ULK4: variants seen among roughly 807,000 people sequenced by gnomAD.
ULK4 encodes the protein inactive serine/threonine-protein kinase ULK4.
ULK4 carries 133 observed loss-of-function variants against 160.6 expected under a neutral mutation model. That is an observed-to-expected ratio of 0.83 (90% CI 0.72 to 0.96). The LOEUF (loss-of-function observed/expected upper bound fraction) is 0.96, where lower values mean the gene tolerates loss of function less well. ULK4 is among the 40% of genes least tolerant of loss of function. ULK4 has a pLI of 0.00. For synonymous variants in ULK4, 534 were observed against 539.8 expected, an observed-to-expected ratio of 0.99 and a Z score of 0.15; for missense variants, 1,580 against 1,499.5, an observed-to-expected ratio of 1.05 and a Z score of -0.89.
At chr3:41,336,664 G>T (rs2080563649) in intron 35 of ULK4, among the ~76,000 whole-genome samples, 1 of 152,178 alleles carries the variant, frequency 6.6e-6, no homozygotes, top group Admixed American at 6.5e-5. Context: ...TGCCCGTGGT[G>T]TGTGTCTTTG....
At chr3:41,316,237 T>C (rs769593509) in intron 35 of ULK4, among the ~76,000 whole-genome samples, 36 of 152,156 alleles carry the variant, frequency 2.4e-4, no homozygotes, top group Non-Finnish European at 3.7e-4. Flanking sequence ...TGCTACAAAA[T>C]AGATAAAATC....
At chr3:41,884,827 T>A (rs1303876621) in intron 16 of ULK4, among the ~76,000 whole-genome samples, 1 of 152,188 alleles carries the variant, frequency 6.6e-6, no homozygotes, top group African/African-American at 2.4e-5. Context: ...AAATTTCCCA[T>A]TAAAATCTCT....
intron 23 of ULK4, among the ~76,000 whole-genome samples, chr3:41,716,040 C>T (rs1368913034): frequency 6.6e-6 from 1 of 151,230 alleles, no homozygotes; most frequent in African/African-American, 2.4e-5. Context: ...AGTGAAACCC[C>T]ATCTCTAATA....
At chr3:41,479,519 G>C (rs955049518) in intron 32 of ULK4, among the ~76,000 whole-genome samples, 1 of 152,182 alleles carries the variant, frequency 6.6e-6, no homozygotes, top group Admixed American at 6.5e-5. Context: ...ACTTGAAGTG[G>C]ACTTTGCAGA....
chr3:41,527,382 G>A (rs753148029), intron 32 of ULK4, among the ~76,000 whole-genome samples: 5 of 152,178 alleles, frequency 3.3e-5, no homozygotes, highest in Admixed American at 6.5e-5. Flanking sequence ...ACTATGTGTG[G>A]GACACTGGTC....
At chr3:41,595,660 CAGA>C (rs2031643799) in intron 31 of ULK4, among the ~76,000 whole-genome samples, 1 of 152,090 alleles carries the variant, frequency 6.6e-6, no homozygotes. Flanking sequence ...GAAGCCAACA[CAGA>C]AGAATGTCTC....
intron 19 of ULK4, among the ~76,000 whole-genome samples, chr3:41,809,665 C>G (rs2040759760): frequency 6.6e-6 from 1 of 152,168 alleles, no homozygotes; most frequent in Non-Finnish European, 1.5e-5. Context: ...TTTGTAGGTT[C>G]TATTTGTTTC....
intron 31 of ULK4, among the ~76,000 whole-genome samples, chr3:41,584,203 T>C (rs902402081): frequency 1.3e-5 from 2 of 152,240 alleles, no homozygotes; most frequent in Non-Finnish European, 2.9e-5. Context: ...CTTCTAACTT[T>C]GTATTAAGAT....
In ULK4 at chr3:41,731,137, G is replaced by A. The variant is rs182767822; in HGVS notation, c.2322-13276C>T. Reference sequence around the variant, plus strand: ...TTCCTCTAAATTTAGAACAAGACAAGGATACTCACTTTCATCACTTTTATT... The same window carrying A: ...TTCCTCTAAATTTAGAACAAGACAAAGATACTCACTTTCATCACTTTTATT... On this transcript the variant is annotated intron_variant, in intron 22 of 36. Coordinates refer to ENST00000301831, the MANE Select transcript of ULK4 (RefSeq NM_017886.4). Among the ~76,000 whole-genome samples the A allele has an allele frequency of 3.4e-3, 514 of 151,442 alleles. 5 individuals are homozygous for A. The highest frequency in any genetic ancestry group is 0.017 in the South Asian group (81 of 4,790).
Position 41,920,922 on chromosome 3 carries a change from G to A in ULK4, c.542-1104C>T, listed in dbSNP as rs538736505. Among the ~76,000 whole-genome samples, 3 of 152,304 alleles carry A rather than the reference G, an allele frequency of 2.0e-5. No homozygotes were observed. The South Asian group carries it at 6.2e-4, about 32-fold the overall frequency. On this transcript the variant is annotated intron_variant, in intron 5 of 36. Transcript: ENST00000301831. Reference sequence around the variant, plus strand: ...CGCCCATGGAACACCCTTGCACTCTGTCCAACACTTAATAGATGTTTCATT... The same window carrying A: ...CGCCCATGGAACACCCTTGCACTCTATCCAACACTTAATAGATGTTTCATT...
chr3:41,827,370 G>T (rs572911299), intron 18 of ULK4, among the ~76,000 whole-genome samples: 1 of 151,890 alleles, frequency 6.6e-6, no homozygotes, highest in Non-Finnish European at 1.5e-5. Context: ...GTGAATCCAG[G>T]AGCTGGTTTT....
At chr3:41,880,463 A>AT (rs549075734) in intron 17 of ULK4, among the ~76,000 whole-genome samples, 34 of 152,112 alleles carry the variant, frequency 2.2e-4, no homozygotes, top group Non-Finnish European at 4.1e-4. Flanking sequence ...TTTTTGCTCC[A>AT]TTTTTTCTGT....
intron 35 of ULK4, among the ~76,000 whole-genome samples, chr3:41,284,187 T>C (rs919285496): frequency 5.9e-5 from 9 of 151,990 alleles, no homozygotes; most frequent in Non-Finnish European, 1.3e-4. Flanking sequence ...ATCTACAAAT[T>C]CAATGCAATC....
At chr3:41,290,319 T>C (rs2079536808) in intron 35 of ULK4, among the ~76,000 whole-genome samples, 2 of 152,240 alleles carry the variant, frequency 1.3e-5, no homozygotes, top group Admixed American at 1.3e-4. Flanking sequence ...TTAACTCATT[T>C]ATAATCATGC....
intron 35 of ULK4, among the ~76,000 whole-genome samples, chr3:41,315,047 G>A (rs1308532182): frequency 1.3e-5 from 2 of 152,036 alleles, no homozygotes; most frequent in Non-Finnish European, 2.9e-5. Context: ...ATAAAACCAT[G>A]CAAATTAGCA....
intron 32 of ULK4, among the ~76,000 whole-genome samples, chr3:41,546,171 C>T (rs73830233): frequency 0.032 from 4,933 of 152,022 alleles, 262 homozygotes; most frequent in African/African-American, 0.11. Flanking sequence ...TTATGCTAGT[C>T]ACTGTGAATA....
At chr3:41,764,648 A>G (rs925232030) in intron 21 of ULK4, among the ~76,000 whole-genome samples, 4 of 152,222 alleles carry the variant, frequency 2.6e-5, no homozygotes, top group Non-Finnish European at 5.9e-5. Context: ...ATAATAGTGC[A>G]CTTGAATAAA....
At chr3:41,696,933 T>C (rs1001037329) in intron 27 of ULK4, among the ~76,000 whole-genome samples, 1 of 152,108 alleles carries the variant, frequency 6.6e-6, no homozygotes, top group African/African-American at 2.4e-5. Context: ...AGCCTAAGAA[T>C]CCAGGTGGCC....
Position 41,268,198 on chromosome 3 carries a change from C to T in ULK4, c.3679-18624G>A, listed in dbSNP as rs189941276. ...ATCTGACTCACAATGTCAATAGTGC[C>T]GAGGTTGAGAAACCATAGGCTAGAC... is the stretch of plus-strand genomic sequence containing the variant. On this transcript the variant is annotated intron_variant, in intron 35 of 36. Transcript: ENST00000301831. Among the ~76,000 whole-genome samples, 11 of 152,250 alleles carry T rather than the reference C, an allele frequency of 7.2e-5. No homozygotes were observed. In the East Asian group the frequency reaches 1.9e-3, roughly 27 times the overall value.
Sources: gnomAD v4.1 joint callset for allele counts (sites outside exome capture counted in the v4.1 genomes callset) on GRCh38, gnomAD v4.1.1 for gene constraint, MANE v1.5 for transcripts, NCBI Gene and HGNC (gene_info 2026-07-23, HGNC 2026-07-21) for gene names.